Variants in NEURL1 observed in about 807,000 individuals in gnomAD.
NEURL1 encodes neuralized E3 ubiquitin protein ligase 1.
Under a neutral mutation model 41.2 loss-of-function variants are expected in NEURL1, and 26 were observed. That is an observed-to-expected ratio of 0.63 (90% confidence interval 0.46 to 0.87). The LOEUF (loss-of-function observed/expected upper bound fraction) is 0.87. Ranked by LOEUF, NEURL1 falls within the 40% of genes least tolerant of loss-of-function variation. The pLI, the probability that NEURL1 is intolerant of heterozygous loss-of-function variation, is 0.00. For synonymous variants in NEURL1, 400 were observed against 402.3 expected (o/e 0.99, Z 0.07); for missense variants, 761 against 871.1 (o/e 0.87, Z 1.59).
At chr10:103,512,815 T>C (rs1440692946) in intron 1 of NEURL1, among the ~76,000 whole-genome samples, 1 of 152,134 alleles carries the variant, frequency 6.6e-6, no homozygotes, top group African/African-American at 2.4e-5. Flanking sequence ...GTGTCCACAC[T>C]GAGGGAGGCA....
At chr10:103,495,841 C>T (rs529485640) in intron 1 of NEURL1, among the ~76,000 whole-genome samples, 6 of 152,320 alleles carry the variant, frequency 3.9e-5, no homozygotes, top group Admixed American at 3.9e-4. Flanking sequence ...GGTGCGGTGG[C>T]TCACGCCTGT....
intron 1 of NEURL1, among the ~76,000 whole-genome samples, chr10:103,533,133 T>G (rs995212568): frequency 3.3e-5 from 5 of 151,886 alleles, no homozygotes; most frequent in Admixed American, 3.3e-4. Context: ...TTCATCATGT[T>G]AGCCAGGATG....
intron 2 of NEURL1, 79 bp from the exon 3 acceptor site, chr10:103,571,422 A>G (rs943912210): frequency 7.2e-7 from 1 of 1,389,944 alleles, no homozygotes; most frequent in Non-Finnish European, 9.7e-7. Context: ...TGCTCCAGGG[A>G]GTCCACCGCA....
In NEURL1 at chr10:103,577,214, C is replaced by G. The variant is rs146431847; in HGVS notation, c.649+5392C>G. Among the ~76,000 whole-genome samples the G allele has an allele frequency of 1.7e-3, 258 of 152,170 alleles. 1 individual carries two copies. Among genetic ancestry groups the G allele is most frequent in the African/African-American group, 5.8e-3 (239 of 41,518 alleles). The stretch of plus-strand genomic sequence containing the variant: ...GCTTCAGAGGGTTTTCTGGTGCTTC[C>G]TTTCTGCTTACCCCAAATTCTGCCA... On this transcript the variant is annotated intron_variant, in intron 3 of 5. Transcript: ENST00000369780.
At chr10:103,513,467 C>T (rs2034122799) in intron 1 of NEURL1, among the ~76,000 whole-genome samples, 2 of 152,246 alleles carry the variant, frequency 1.3e-5, no homozygotes, top group South Asian at 2.1e-4. Flanking sequence ...CCAAGGCTCA[C>T]TGAGGTGCCT....
chr10:103,574,877 C>A (rs955974666), intron 3 of NEURL1, among the ~76,000 whole-genome samples: 1 of 152,174 alleles, frequency 6.6e-6, no homozygotes, highest in African/African-American at 2.4e-5. Flanking sequence ...AAGGCCCCAG[C>A]GGATTCCGTC....
At chr10:103,571,182 C>T (rs1362649725) in intron 2 of NEURL1, 69 bp downstream of exon 2, 17 of 1,513,430 alleles carry the variant, frequency 1.1e-5, no homozygotes, top group Non-Finnish European at 1.5e-5. Flanking sequence ...CCCTGGGCCT[C>T]TGGACTCTGC....
At chr10:103,553,487 G>A (rs779794429) in intron 1 of NEURL1, among the ~76,000 whole-genome samples, 19 of 151,876 alleles carry the variant, frequency 1.3e-4, no homozygotes, top group South Asian at 4.2e-4. Context: ...CTCGGGTGTC[G>A]TGGCTTCTCC....
intron 3 of NEURL1, among the ~76,000 whole-genome samples, chr10:103,574,257 C>A (rs987668827): frequency 6.6e-6 from 1 of 152,214 alleles, no homozygotes; most frequent in African/African-American, 2.4e-5. Flanking sequence ...TGCAAGCGCT[C>A]AGGGCACAAC....
At chr10:103,529,937 G>A (rs117162952) in intron 1 of NEURL1, among the ~76,000 whole-genome samples, 3,029 of 152,136 alleles carry the variant, frequency 0.02, 40 homozygotes, top group South Asian at 0.047. Flanking sequence ...AAAAATTTGG[G>A]GTGAGTCCAC....
rs931339785 is a variant in NEURL1 at position 103,549,304 on chromosome 10, C to T, written c.86-21568C>T. On this transcript the variant is annotated intron_variant, in intron 1 of 5. Coordinates refer to ENST00000369780, the MANE Select transcript of NEURL1 (RefSeq NM_004210.5). ...CCTGTTGTGTTCCCATCCTCCTGGG[C>T]GGCTGGCAGCTGTCACGGCTGGGGC... 8.5e-5 allele frequency among the ~76,000 whole-genome samples: 13 copies of T among 152,308 alleles called. No homozygotes were observed. The South Asian group carries it at 2.1e-3, about 24-fold the overall frequency.
At chr10:103,583,705 CAAAAA>C (rs1228630032) in intron 3 of NEURL1, among the ~76,000 whole-genome samples, 3 of 19,560 alleles carry the variant, frequency 1.5e-4, no homozygotes, top group African/African-American at 1.9e-4. Context: ...GATCCTGTCT[CAAAAA>C]AAAAAAAAAA....
chr10:103,555,096 G>C (rs1180456189), intron 1 of NEURL1: 3 of 154,020 alleles, frequency 1.9e-5, no homozygotes, highest in Non-Finnish European at 4.3e-5. Context: ...GTACCAGCGC[G>C]GGAGGTGGGG....
rs138760268 is a variant in NEURL1, at chr10:103,590,309, C to T, written c.1662C>T (p.His554=). ...GCCTGCGCCTCAAGAAGGCTCTGCA[C>T]GCCTGCTGCCCCATCTGCCGCCGCC... is the stretch of plus-strand genomic sequence containing the variant. ...ACGLRLKKAL[H]ACCPICRRPI... Residue 554 remains histidine, a synonymous_variant, in exon 6 of 6, where the codon CAC becomes CAT. Transcript: ENST00000369780. The T allele has an allele frequency of 2.4e-5, 38 of 1,614,024 alleles. No homozygotes were observed. Among genetic ancestry groups the T allele is most frequent in the South Asian group, 7.7e-5 (7 of 91,082 alleles).
chr10:103,555,182 C>T, intron 1 of NEURL1: 5 of 433,700 alleles, frequency 1.2e-5, no homozygotes, highest in Non-Finnish European at 1.5e-5. Flanking sequence ...GCCGGCTGGC[C>T]GCGGGCGGGC....
chr10:103,527,955 C>T (rs1372500230), intron 1 of NEURL1, among the ~76,000 whole-genome samples: 1 of 152,204 alleles, frequency 6.6e-6, no homozygotes, highest in Non-Finnish European at 1.5e-5. Context: ...CACAATGGCT[C>T]ACGCCTGTAA....
At chr10:103,533,150 A>G (rs1229565719) in intron 1 of NEURL1, among the ~76,000 whole-genome samples, 1 of 151,652 alleles carries the variant, frequency 6.6e-6, no homozygotes, top group South Asian at 2.1e-4. Context: ...GATGGTGTCC[A>G]TCTCCTGACC....
At chr10:103,520,876 T>G (rs1327997833) in intron 1 of NEURL1, among the ~76,000 whole-genome samples, 1 of 152,182 alleles carries the variant, frequency 6.6e-6, no homozygotes, top group Admixed American at 6.5e-5. Flanking sequence ...TCTTATAGAA[T>G]GATTGGTGAT....
chr10:103,573,328 C>T (rs1036250209), intron 3 of NEURL1, among the ~76,000 whole-genome samples: 7 of 152,138 alleles, frequency 4.6e-5, no homozygotes, highest in African/African-American at 9.7e-5. Context: ...GAAAGGGCAG[C>T]GTTCATGTCC....
Sources: allele counts gnomAD v4.1 joint callset (sites outside exome capture counted in the v4.1 genomes callset), GRCh38; gene constraint gnomAD v4.1.1; transcripts MANE v1.5; gene names NCBI Gene and HGNC (gene_info 2026-07-23, HGNC 2026-07-21).